SLC13A1: variants seen among roughly 807,000 people sequenced by gnomAD.
SLC13A1 encodes the protein Na(+)/sulfate cotransporter.
Under a neutral mutation model 70.0 loss-of-function variants are expected in SLC13A1, and 65 were observed. The observed-to-expected ratio is 0.93, with a 90% CI of 0.76 to 1.14. The LOEUF is 1.14. Ranked by LOEUF, SLC13A1 falls within the 50% of genes most tolerant of loss-of-function variation. The probability of loss-of-function intolerance (pLI) is 0.00; values close to 1 mark genes in which losing one functional copy is unlikely to be tolerated. For synonymous variants in SLC13A1, 275 were observed against 250.5 expected, an observed-to-expected ratio of 1.10 and a Z score of -0.92; for missense variants, 726 against 717.8, an observed-to-expected ratio of 1.01 and a Z score of -0.13.
intron 12 of SLC13A1, among the ~76,000 whole-genome samples, chr7:123,122,635 A>G (rs1336176638): frequency 1.3e-5 from 2 of 152,122 alleles, no homozygotes; most frequent in African/African-American, 2.4e-5. Flanking sequence ...TTTTCTCCAG[A>G]CTTTATTCAA....
intron 12 of SLC13A1, among the ~76,000 whole-genome samples, chr7:123,122,042 C>A (rs1378546128): frequency 6.6e-6 from 1 of 152,058 alleles, no homozygotes. Context: ...ACTGAGAGAA[C>A]CTTGTGCATC....
chr7:123,158,110 G>A (rs561194322), intron 6 of SLC13A1, among the ~76,000 whole-genome samples: 5 of 151,900 alleles, frequency 3.3e-5, no homozygotes, highest in African/African-American at 9.7e-5. Flanking sequence ...ATGTTTAAAA[G>A]TACTGAACAT....
intron 6 of SLC13A1, among the ~76,000 whole-genome samples, chr7:123,166,706 C>G (rs1265292146): frequency 1.3e-5 from 2 of 152,040 alleles, no homozygotes; most frequent in Non-Finnish European, 2.9e-5. Flanking sequence ...CATCCATGTC[C>G]CTACAAAGGA....
Position 123,129,419 on chromosome 7 carries a change from A to G in SLC13A1, c.995T>C (p.Val332Ala), listed in dbSNP as rs28364201. Residue 332 changes from valine (V) to alanine (A), a missense_variant, in exon 9 of 15, where the codon GTG (valine) becomes GCG (alanine). Val to Ala is a moderately conservative substitution (Grantham distance 64). Coordinates refer to ENST00000194130, the MANE Select transcript of SLC13A1 (RefSeq NM_022444.4). ...KTVQQKACAEVIKQEYQKLGP... is the reference protein window; with the variant it reads ...KTVQQKACAEAIKQEYQKLGP... ...AAGCTTTTGGTATTCTTGCTTAATC[A>G]CCTCAGCACAAGCTTTTTGTTGGAC... is the stretch of plus-strand genomic sequence containing the variant. The G allele has an allele frequency of 1.5e-4, 244 of 1,602,046 alleles. 4 individuals carry two copies. In the East Asian group the frequency reaches 5.0e-3, roughly 33 times the overall value.
At chr7:123,176,972 T>C (rs1464454080) in intron 2 of SLC13A1, among the ~76,000 whole-genome samples, 1 of 152,172 alleles carries the variant, frequency 6.6e-6, no homozygotes, top group Non-Finnish European at 1.5e-5. Flanking sequence ...TATATTTTGA[T>C]GAATCTCAGA....
intron 1 of SLC13A1, among the ~76,000 whole-genome samples, chr7:123,184,398 A>T (rs1454078183): frequency 1.3e-5 from 2 of 151,976 alleles, no homozygotes; most frequent in Admixed American, 6.6e-5. Flanking sequence ...TTTGACTAAC[A>T]TCTCTTTAAC....
chr7:123,123,205 C>T lies in SLC13A1; in HGVS notation c.1271G>A (p.Trp424Ter), dbSNP rs778082853. The T allele has an allele frequency of 1.2e-6, 2 of 1,613,314 alleles. No individual in the cohort carries two copies. The highest frequency in any genetic ancestry group is 4.5e-5 in the East Asian group (2 of 44,848). The change falls in exon 12 of 15, where the codon TGG becomes TAG. Residue 424 changes from tryptophan (W) to a stop codon, truncating the protein, a stop_gained. Coordinates refer to ENST00000194130, the MANE Select transcript of SLC13A1 (RefSeq NM_022444.4). LOFTEE classifies it high-confidence loss of function. The stretch of plus-strand genomic sequence containing the variant: ...GGGCATGAATGACTGGAATTCTTTC[C>T]AAGTAATCAGTGGAGAGTAATCAAA... ...VAFDYSPLIT[W>*]KEFQSFMPWD...
chr7:123,113,865 C>G lies in SLC13A1; in HGVS notation c.*1653G>C, dbSNP rs1451826314. 2.0e-5 allele frequency: 3 copies of G among 151,948 alleles called. No individual in the cohort carries two copies. Among genetic ancestry groups the G allele is most frequent in the African/African-American group, 7.3e-5 (3 of 41,368 alleles). 9.4% of individuals were successfully genotyped at this position (151,948 alleles called of 1,614,324 possible). ...TATGTTAAATATTATTTTAAAAACC[C>G]TCTTTACTATATTTAGTTTCAAGAA... On this transcript the variant is annotated 3_prime_UTR_variant, in exon 15 of 15. Transcript: ENST00000194130.
intron 2 of SLC13A1, among the ~76,000 whole-genome samples, chr7:123,172,661 A>T (rs908949315): frequency 6.6e-6 from 1 of 152,158 alleles, no homozygotes; most frequent in Non-Finnish European, 1.5e-5. Context: ...AATACCCTCA[A>T]ATGAGACTTA....
chr7:123,115,441 A>C lies in SLC13A1; in HGVS notation c.*77T>G. 1.4e-6 allele frequency: 2 copies of C among 1,455,016 alleles called. No homozygotes were observed. Among genetic ancestry groups the C allele is most frequent in the South Asian group, 1.2e-5 (1 of 80,726 alleles). The allele number at this position is 1,455,016 out of a possible 1,614,324, so 90.1% of individuals were successfully genotyped here. A position where few individuals can be genotyped will look rare whatever the true frequency, so the allele number is the denominator to read the frequency against. ...CTGATTTAAATGTGTGTCATTAGTT[A>C]TTTAGAGCCACATTTTACAGTCAAT... On this transcript the variant is annotated 3_prime_UTR_variant, in exon 15 of 15. Transcript: ENST00000194130.
intron 10 of SLC13A1, among the ~76,000 whole-genome samples, 172 bp from the exon 11 acceptor site, chr7:123,125,847 A>C (rs1341881455): frequency 6.6e-6 from 1 of 152,192 alleles, no homozygotes; most frequent in East Asian, 1.9e-4. Flanking sequence ...ATTAAATGAC[A>C]CAACACTAAA....
chr7:123,138,176 C>T (rs1794014687), intron 7 of SLC13A1, among the ~76,000 whole-genome samples: 1 of 152,238 alleles, frequency 6.6e-6, no homozygotes, highest in Non-Finnish European at 1.5e-5. Context: ...TAATGTCTTT[C>T]TGGACCTGGT....
At chr7:123,179,057 G>T (rs911595241) in intron 2 of SLC13A1, among the ~76,000 whole-genome samples, 1 of 152,122 alleles carries the variant, frequency 6.6e-6, no homozygotes, top group Non-Finnish European at 1.5e-5. Flanking sequence ...TGGTGGTGGT[G>T]ATGGAGTTGG....
chr7:123,172,921 G>T (rs2116570487), intron 2 of SLC13A1, among the ~76,000 whole-genome samples: 1 of 152,036 alleles, frequency 6.6e-6, no homozygotes, highest in East Asian at 1.9e-4. Flanking sequence ...TTTTAAAGAG[G>T]GGGATATCAT....
chr7:123,123,563 T>G (rs2462145), intron 11 of SLC13A1, among the ~76,000 whole-genome samples: 4,458 of 152,282 alleles, frequency 0.029, 213 homozygotes, highest in African/African-American at 0.1. Context: ...TTGCCAACTG[T>G]GAATAGCACA....
intron 13 of SLC13A1, 51 bp from the exon 14 acceptor site, chr7:123,117,659 G>A (rs372574173): frequency 1.3e-4 from 160 of 1,265,200 alleles, no homozygotes; most frequent in Non-Finnish European, 1.5e-4. Flanking sequence ...GGGTAGACAC[G>A]AAACATAAAA....
At chr7:123,159,069 G>C (rs1794802923) in intron 6 of SLC13A1, among the ~76,000 whole-genome samples, 1 of 151,980 alleles carries the variant, frequency 6.6e-6, no homozygotes, top group African/African-American at 2.4e-5. Flanking sequence ...GTAATTTATG[G>C]AGGAATAATA....
intron 6 of SLC13A1, among the ~76,000 whole-genome samples, chr7:123,157,457 T>C (rs1383386201): frequency 6.6e-6 from 1 of 152,160 alleles, no homozygotes; most frequent in Non-Finnish European, 1.5e-5. Context: ...AAATAAACTC[T>C]ATTTTTCAGA....
chr7:123,158,486 GTT>G, intron 6 of SLC13A1, among the ~76,000 whole-genome samples: 1 of 152,136 alleles, frequency 6.6e-6, no homozygotes, highest in Non-Finnish European at 1.5e-5. Context: ...AGTGCAGAAT[GTT>G]TAATTGGAGA....
Sources: gnomAD v4.1 joint callset for allele counts (sites outside exome capture counted in the v4.1 genomes callset) on GRCh38, gnomAD v4.1.1 for gene constraint, MANE v1.5 for transcripts, NCBI Gene and HGNC (gene_info 2026-07-23, HGNC 2026-07-21) for gene names.